The following CUBN variants were observed in gnomAD, a reference collection of about 807,000 sequenced individuals.
The protein encoded by CUBN is 460 kDa receptor.
CUBN carries 282 observed loss-of-function variants against 405.3 expected under a neutral mutation model. That is an observed-to-expected ratio of 0.70 (90% confidence interval 0.63 to 0.77). CUBN has a LOEUF of 0.77. Among genes scored for constraint, CUBN ranks in the 30% least tolerant of loss-of-function variants. The probability of loss-of-function intolerance (pLI) is 0.00; values close to 1 mark genes in which losing one functional copy is unlikely to be tolerated. For synonymous variants in CUBN, 1,684 were observed against 1,617.0 expected, an observed-to-expected ratio of 1.04 and a Z score of -0.99; for missense variants, 4,514 against 4,475.2, an observed-to-expected ratio of 1.01 and a Z score of -0.25.
chr10:16,890,432 G>T lies in CUBN; in HGVS notation c.8694C>A (p.Phe2898Leu). Reference protein sequence around the residue: ...PGPVITPSNTFTAVFQSQEAP... With the variant: ...PGPVITPSNTLTAVFQSQEAP... ...CCTCCTGAGACTGGAAGACGGCAGT[G>T]AATGTGTTACTTGGTGTGATAACGG... Residue 2898 changes from phenylalanine to leucine, a missense_variant, in exon 55 of 67, where the codon TTC (phenylalanine) becomes TTA (leucine). Phe to Leu is a conservative substitution (Grantham distance 22). Transcript: ENST00000377833. 6.2e-7 allele frequency: 1 copy of T among 1,614,108 alleles called. No homozygotes were observed. Among genetic ancestry groups the T allele is most frequent in the South Asian group, 1.1e-5 (1 of 91,074 alleles).
rs188335598 is a variant in CUBN at position 16,999,390 on chromosome 10, T to C, written c.4169-8875A>G. 3.7e-3 allele frequency among the ~76,000 whole-genome samples: 558 copies of C among 152,344 alleles called. 3 individuals carry two copies. Among genetic ancestry groups the C allele is most frequent in the African/African-American group, 0.012 (517 of 41,576 alleles). ...GAGAAGTTAGCCAATCTTGTCATCTTTTCACTTTGATTAACTTTATCAGTT... is the reference window on the plus strand; with the variant it reads ...GAGAAGTTAGCCAATCTTGTCATCTCTTCACTTTGATTAACTTTATCAGTT... On this transcript the variant is annotated intron_variant, in intron 28 of 66. Coordinates refer to ENST00000377833, the MANE Select transcript of CUBN (RefSeq NM_001081.4).
chr10:16,974,524 C>T (rs142902723), intron 31 of CUBN, among the ~76,000 whole-genome samples: 19 of 135,604 alleles, frequency 1.4e-4, no homozygotes, highest in Non-Finnish European at 2.5e-4. Flanking sequence ...CCCGAGTTCC[C>T]GCCATGCCTG....
chr10:16,827,313 C>T (rs561999332), intron 66 of CUBN, among the ~76,000 whole-genome samples: 1 of 152,024 alleles, frequency 6.6e-6, no homozygotes, highest in Non-Finnish European at 1.5e-5. Context: ...GTAGAAAAAA[C>T]ACACCATCAA....
chr10:16,989,236 G>A (rs1401199058), intron 29 of CUBN, among the ~76,000 whole-genome samples: 1 of 151,726 alleles, frequency 6.6e-6, no homozygotes, highest in African/African-American at 2.4e-5. Flanking sequence ...TTTGCAGACA[G>A]GTCAAAGTTC....
At chr10:17,095,389 AAACTC>A (rs1299007271) in intron 14 of CUBN, among the ~76,000 whole-genome samples, 4 of 151,974 alleles carry the variant, frequency 2.6e-5, no homozygotes, top group Non-Finnish European at 5.9e-5. Flanking sequence ...AATATATAAA[AAACTC>A]AACTCAATAT....
intron 59 of CUBN, among the ~76,000 whole-genome samples, chr10:16,862,020 G>T (rs1326289046): frequency 6.6e-6 from 1 of 152,038 alleles, no homozygotes; most frequent in African/African-American, 2.4e-5. Context: ...GTGGTTGCAT[G>T]CGCGGGTAAT....
chr10:16,874,411 T>C lies in CUBN; in HGVS notation c.9199A>G (p.Thr3067Ala). The change falls in exon 58 of 67, where the codon ACC becomes GCC. Residue 3067 changes from threonine to alanine, a missense_variant. Physicochemically the swap from Thr to Ala is moderately conservative, Grantham distance 58. Coordinates refer to ENST00000377833, the MANE Select transcript of CUBN (RefSeq NM_001081.4). ...DYPNDMHCLY[T>A]ITVSDDKVIE... ...ACCTTGTCGTCACTAACGGTGATGGTATACAGACAGTGCATATCATTTGGG... is the reference window on the plus strand; with the variant it reads ...ACCTTGTCGTCACTAACGGTGATGGCATACAGACAGTGCATATCATTTGGG... 7 of 1,614,152 alleles carry C rather than the reference T, an allele frequency of 4.3e-6. No individual in the cohort carries two copies. Among genetic ancestry groups the C allele is most frequent in the Non-Finnish European group, 5.9e-6 (7 of 1,179,976 alleles).
chr10:17,125,751 GGGTA>G (rs1278808935), intron 4 of CUBN, among the ~76,000 whole-genome samples: 2 of 152,182 alleles, frequency 1.3e-5, no homozygotes, highest in Non-Finnish European at 2.9e-5. Context: ...TGAGGGATGA[GGGTA>G]GGAGGACTGG....
At chr10:17,028,338 A>T (rs1225006484) in intron 27 of CUBN, among the ~76,000 whole-genome samples, 1 of 152,034 alleles carries the variant, frequency 6.6e-6, no homozygotes, top group Non-Finnish European at 1.5e-5. Flanking sequence ...GAACAACGTG[A>T]AATCATAGAC....
At chr10:16,859,508 C>T (rs1222275784) in intron 59 of CUBN, among the ~76,000 whole-genome samples, 1 of 151,980 alleles carries the variant, frequency 6.6e-6, no homozygotes, top group Non-Finnish European at 1.5e-5. Flanking sequence ...GATGGGGGTC[C>T]CCAGTTATAG....
chr10:17,082,652 C>T (rs1040610309), intron 17 of CUBN, among the ~76,000 whole-genome samples: 4 of 152,132 alleles, frequency 2.6e-5, no homozygotes, highest in African/African-American at 9.7e-5. Flanking sequence ...GATCGGAGAG[C>T]CAGGTATGGA....
intron 31 of CUBN, among the ~76,000 whole-genome samples, chr10:16,957,913 A>G (rs1843115054): frequency 6.6e-6 from 1 of 151,990 alleles, no homozygotes; most frequent in African/African-American, 2.4e-5. Flanking sequence ...AAAAAAAGAA[A>G]AAACTCTAAG....
At chr10:17,109,769 A>G (rs749884949) in intron 9 of CUBN, 34 bp from the exon 10 acceptor site, 1 of 1,549,218 alleles carries the variant, frequency 6.5e-7, no homozygotes, top group Non-Finnish European at 8.9e-7. Flanking sequence ...ATAAGAAACA[A>G]TGTCAAGAAG....
intron 29 of CUBN, among the ~76,000 whole-genome samples, chr10:16,987,861 G>C (rs537918673): frequency 5.9e-5 from 9 of 152,256 alleles, no homozygotes; most frequent in African/African-American, 1.9e-4. Flanking sequence ...GCTCCTTTTA[G>C]CTTTCAGAAA....
intron 56 of CUBN, among the ~76,000 whole-genome samples, chr10:16,885,497 A>C (rs1840787026): frequency 6.6e-6 from 1 of 152,150 alleles, no homozygotes; most frequent in South Asian, 2.1e-4. Context: ...ATATATATAT[A>C]AGTATCAGAA....
At chr10:17,053,964 CCATAGAA>C (rs1293354284) in intron 22 of CUBN, among the ~76,000 whole-genome samples, 1 of 151,990 alleles carries the variant, frequency 6.6e-6, no homozygotes. Flanking sequence ...TGCAAATAAT[CCATAGAA>C]CAAAGAAGAA....
chr10:16,862,160 T>TCTCACACACACACA (rs144560387), intron 59 of CUBN, among the ~76,000 whole-genome samples: 9 of 131,202 alleles, frequency 6.9e-5, no homozygotes, highest in African/African-American at 2.9e-4. Context: ...TCTCTCTCTC[T>TCTCACACACACACA]CACACACACA....
Position 16,900,820 on chromosome 10 carries a change from G to A in CUBN, c.8215C>T (p.His2739Tyr). 4 of 1,613,884 alleles carry A rather than the reference G, an allele frequency of 2.5e-6. No individual in the cohort carries two copies. The South Asian group carries it at 4.4e-5, about 18-fold the overall frequency. ...ACAGAGTCCCAAGCACAAGTTGTAT[G>A]GGGTTCAATATCAAAGTCACTAAAT... ...LTFSDFDIEP[H>Y]TTCAWDSVTV... Residue 2739 changes from histidine to tyrosine, a missense_variant, in exon 53 of 67, where the codon CAT becomes TAT. Physicochemically the swap from His to Tyr is moderately conservative, Grantham distance 83. This residue lies in a region of CUBN where 1,186 missense variants were observed against 1,186.9 expected (regional missense o/e 1.00). Coordinates refer to ENST00000377833, the MANE Select transcript of CUBN (RefSeq NM_001081.4).
chr10:16,894,577 T>G (rs188865283), intron 54 of CUBN, among the ~76,000 whole-genome samples: 51 of 152,328 alleles, frequency 3.3e-4, no homozygotes, highest in African/African-American at 1.1e-3. Context: ...CAATACCACA[T>G]TGTCTTGATT....
Sources: allele counts gnomAD v4.1 joint callset (sites outside exome capture counted in the v4.1 genomes callset), GRCh38; gene constraint gnomAD v4.1.1; regional missense constraint gnomAD v4.1.1; transcripts MANE v1.5; gene names NCBI Gene and HGNC (gene_info 2026-07-23, HGNC 2026-07-21).